Variants in ATF7IP observed in about 807,000 individuals in gnomAD.
ATF7IP encodes activating transcription factor 7-interacting protein 1.
In ATF7IP, 23 loss-of-function variants were observed where a neutral mutation model predicts 106.4. That is an observed-to-expected ratio of 0.22 (90% CI 0.16 to 0.31). The LOEUF (loss-of-function observed/expected upper bound fraction) is 0.31, where lower values mean the gene tolerates loss of function less well. Among genes scored for constraint, ATF7IP ranks in the 10% least tolerant of loss-of-function variants. The pLI is 1.00. For synonymous variants in ATF7IP, 542 were observed against 539.0 expected (o/e 1.01, Z -0.08); for missense variants, 1,334 against 1,524.3 (o/e 0.88, Z 2.08).
At chr12:14,375,385 T>A (rs1344599778) in intron 1 of ATF7IP, among the ~76,000 whole-genome samples, 2 of 152,088 alleles carry the variant, frequency 1.3e-5, no homozygotes, top group African/African-American at 2.4e-5. Context: ...AATAAAAAGT[T>A]TCTAAAATAT....
intron 7 of ATF7IP, 97 bp downstream of exon 7, chr12:14,456,731 G>A (rs1046599043): frequency 2.4e-6 from 2 of 844,148 alleles, no homozygotes; most frequent in African/African-American, 3.5e-5. Context: ...TGGTATTTAT[G>A]TAGAAATAAG....
intron 1 of ATF7IP, among the ~76,000 whole-genome samples, chr12:14,403,998 C>T (rs1023578789): frequency 1.3e-4 from 20 of 151,890 alleles, no homozygotes; most frequent in African/African-American, 4.6e-4. Context: ...TTTTTTCCCC[C>T]GTCTCACTTG....
In ATF7IP at chr12:14,437,674, G is replaced by A. The variant is rs137881818; in HGVS notation, c.1792-456G>A. 1.2e-3 allele frequency among the ~76,000 whole-genome samples: 190 copies of A among 152,300 alleles called. 1 individual carries two copies. The highest frequency in any genetic ancestry group is 0.011 in the Admixed American group (174 of 15,296). On this transcript the variant is annotated intron_variant, in intron 4 of 14. Transcript: ENST00000261168. ...TAGATTTTATATATATAAAAGTAGAGGATTTTAGCAGATAGTATTGTGTTA... is the reference window on the plus strand; with the variant it reads ...TAGATTTTATATATATAAAAGTAGAAGATTTTAGCAGATAGTATTGTGTTA...
At chr12:14,451,619 G>T (rs1208437633) in intron 6 of ATF7IP, among the ~76,000 whole-genome samples, 17 of 143,150 alleles carry the variant, frequency 1.2e-4, no homozygotes, top group African/African-American at 4.1e-4. Context: ...TGACTTGTTG[G>T]TTTTTTTTTT....
intron 1 of ATF7IP, among the ~76,000 whole-genome samples, chr12:14,415,428 C>G (rs1445738873): frequency 6.6e-6 from 1 of 152,138 alleles, no homozygotes; most frequent in East Asian, 1.9e-4. Context: ...TTTGATGTAA[C>G]CAAACTTTTA....
At chr12:14,413,286 T>A (rs965227742) in intron 1 of ATF7IP, among the ~76,000 whole-genome samples, 1 of 152,192 alleles carries the variant, frequency 6.6e-6, no homozygotes, top group Non-Finnish European at 1.5e-5. Flanking sequence ...GATGAGATAA[T>A]TTAATACTTA....
chr12:14,455,902 T>G (rs1229597527), intron 6 of ATF7IP, among the ~76,000 whole-genome samples: 1 of 152,074 alleles, frequency 6.6e-6, no homozygotes, highest in African/African-American at 2.4e-5. Flanking sequence ...TTTTAAGAGA[T>G]AAATGATGAT....
At chr12:14,432,477 G>A (rs1183817935) in intron 2 of ATF7IP, among the ~76,000 whole-genome samples, 1 of 152,174 alleles carries the variant, frequency 6.6e-6, no homozygotes, top group African/African-American at 2.4e-5. Context: ...CACTTAAAAT[G>A]AGCAAAGGGT....
At chr12:14,391,080 G>C (rs1322811584) in intron 1 of ATF7IP, among the ~76,000 whole-genome samples, 4 of 152,206 alleles carry the variant, frequency 2.6e-5, no homozygotes, top group Admixed American at 6.5e-5. Context: ...AAGAGAAAGT[G>C]ATTTGAGAGA....
Position 14,499,321 on chromosome 12 carries a change from C to T in ATF7IP, c.*1248C>T, listed in dbSNP as rs1216157364. On this transcript the variant is annotated 3_prime_UTR_variant, in exon 15 of 15. Coordinates refer to ENST00000261168, the MANE Select transcript of ATF7IP (RefSeq NM_018179.5). ...AACTATAGATGCTTTTATTTTTGGT[C>T]ACTATTTAACTTTGTGTAAAGTGGA... is the stretch of plus-strand genomic sequence containing the variant. 2.6e-5 allele frequency: 4 copies of T among 152,162 alleles called. No homozygotes were observed. Among genetic ancestry groups the T allele is most frequent in the Non-Finnish European group, 4.4e-5 (3 of 68,026 alleles). 9.4% of individuals were successfully genotyped at this position (152,162 alleles called of 1,614,324 possible). A position where few individuals can be genotyped will look rare whatever the true frequency, so the allele number is the denominator to read the frequency against.
intron 1 of ATF7IP, among the ~76,000 whole-genome samples, chr12:14,408,782 A>G (rs1940747311): frequency 6.6e-6 from 1 of 152,190 alleles, no homozygotes; most frequent in South Asian, 2.1e-4. Context: ...ACATGCCAGC[A>G]TGCTAGTTTA....
chr12:14,466,021 A>C, intron 9 of ATF7IP: 1 of 152,268 alleles, frequency 6.6e-6, no homozygotes, highest in African/African-American at 2.4e-5. Context: ...AACATTTTTT[A>C]ACTGCGAACT....
chr12:14,377,025 T>C (rs1450469471), intron 1 of ATF7IP, among the ~76,000 whole-genome samples: 1 of 152,202 alleles, frequency 6.6e-6, no homozygotes, highest in African/African-American at 2.4e-5. Flanking sequence ...GACACTGTCT[T>C]GCTGTGTTGC....
At position 14,434,380 on chromosome 12, in the gene ATF7IP, A is replaced by G. The variant is rs1942296324; in HGVS notation, c.1602A>G (p.Glu534=). 2 of 1,595,122 alleles carry G rather than the reference A, an allele frequency of 1.3e-6. No individual in the cohort carries two copies. The highest frequency in any genetic ancestry group is 1.3e-5 in the African/African-American group (1 of 74,612). ...SNEKDNKPEE[E]EQVIHEDDER... Reference sequence around the variant, plus strand: ...AAAAGGACAACAAACCTGAGGAAGAAGAGCAAGTAATACATGAAGATGATG... The same window carrying G: ...AAAAGGACAACAAACCTGAGGAAGAGGAGCAAGTAATACATGAAGATGATG... The change falls in exon 3 of 15, where the codon GAA becomes GAG. Residue 534 remains glutamate (E), a synonymous_variant. Transcript: ENST00000261168.
intron 13 of ATF7IP, chr12:14,481,576 A>T: frequency 2.4e-6 from 1 of 425,160 alleles, no homozygotes; most frequent in Admixed American, 3.0e-5. Flanking sequence ...AGTATAACCA[A>T]AACTAATCTA....
At chr12:14,436,725 A>G (rs1048797855) in intron 4 of ATF7IP, among the ~76,000 whole-genome samples, 71 of 151,914 alleles carry the variant, frequency 4.7e-4, no homozygotes, top group East Asian at 1.7e-3. Flanking sequence ...AAATAAGTCT[A>G]TTACTATCCT....
At chr12:14,489,315 C>T (rs180717029) in intron 13 of ATF7IP, among the ~76,000 whole-genome samples, 15 of 152,278 alleles carry the variant, frequency 9.9e-5, no homozygotes, top group Non-Finnish European at 1.6e-4. Context: ...CACTAACTCC[C>T]TTGTTAGCCT....
chr12:14,370,178 C>T (rs895286009), intron 1 of ATF7IP, among the ~76,000 whole-genome samples: 11 of 152,190 alleles, frequency 7.2e-5, no homozygotes, highest in Admixed American at 3.3e-4. Context: ...TCAGGTGATC[C>T]GTCTGCCTCG....
At chr12:14,443,268 A>G (rs1942797489) in intron 5 of ATF7IP, among the ~76,000 whole-genome samples, 1 of 152,212 alleles carries the variant, frequency 6.6e-6, no homozygotes, top group African/African-American at 2.4e-5. Context: ...ATTCTGACAA[A>G]TCATTGAGGA....
Sources: gnomAD v4.1 joint callset for allele counts (sites outside exome capture counted in the v4.1 genomes callset) on GRCh38, gnomAD v4.1.1 for gene constraint, MANE v1.5 for transcripts, NCBI Gene and HGNC (gene_info 2026-07-23, HGNC 2026-07-21) for gene names.